The following KAT6B variants were observed in gnomAD, a reference collection of about 807,000 sequenced individuals.
KAT6B encodes the protein lysine acetyltransferase 6B.
KAT6B carries 10 observed loss-of-function variants against 187.5 expected under a neutral mutation model. The ratio of observed to expected loss-of-function variants is 0.05; its 90% CI spans 0.03 to 0.09. The LOEUF (loss-of-function observed/expected upper bound fraction) is 0.09, where lower values mean the gene tolerates loss of function less well. Ranked by LOEUF, KAT6B falls within the 10% of genes least tolerant of loss-of-function variation. The pLI is 1.00. For synonymous variants in KAT6B, 861 were observed against 926.8 expected, an observed-to-expected ratio of 0.93 and a Z score of 1.29; for missense variants, 1,952 against 2,558.9, an observed-to-expected ratio of 0.76 and a Z score of 5.12.
In KAT6B at chr10:74,843,423, G is replaced by A; in HGVS notation, c.566G>A (p.Ser189Asn). 1 of 1,614,082 alleles carries A rather than the reference G, an allele frequency of 6.2e-7. No homozygotes were observed. Among genetic ancestry groups the A allele is most frequent in the Non-Finnish European group, 8.5e-7 (1 of 1,180,016 alleles). Residue 189 changes from serine to asparagine, a missense_variant, in exon 3 of 18, where the codon AGT (serine) becomes AAT (asparagine). Ser to Asn is a conservative substitution (Grantham distance 46, BLOSUM62 1). Transcript: ENST00000287239. ...LDGKGAPQYP[S>N]AFPSSLPPVS... Reference sequence around the variant, plus strand: ...GGCAAAGGGGCACCTCAGTATCCCAGTGCATTCCCATCCTCGCTCCCACCT... The same window carrying A: ...GGCAAAGGGGCACCTCAGTATCCCAATGCATTCCCATCCTCGCTCCCACCT...
intron 2 of KAT6B, among the ~76,000 whole-genome samples, 152 bp downstream of exon 2, chr10:74,838,904 C>T (rs1404953955): frequency 6.6e-6 from 1 of 152,112 alleles, no homozygotes; most frequent in Admixed American, 6.5e-5. Flanking sequence ...CCTGTAATCC[C>T]AGCACTTTGG....
At position 74,843,229 on chromosome 10, in the gene KAT6B, C is replaced by T. The variant is rs993417725; in HGVS notation, c.372C>T (p.Ser124=). 3 of 1,614,200 alleles carry T rather than the reference C, an allele frequency of 1.9e-6. No individual in the cohort carries two copies. Among genetic ancestry groups the T allele is most frequent in the South Asian group, 1.1e-5 (1 of 91,080 alleles). ...AIEGLEEPNG[S]SLKNIEKYLR... ...AAGGACTTGAGGAGCCGAATGGCTC[C>T]TCCCTGAAGAACATAGAGAAGTATC... The change falls in exon 3 of 18, where the codon TCC becomes TCT. Residue 124 remains serine, a synonymous_variant. Coordinates refer to ENST00000287239, the MANE Select transcript of KAT6B (RefSeq NM_012330.4).
At chr10:74,998,040 C>T (rs1191253736) in intron 13 of KAT6B, among the ~76,000 whole-genome samples, 3 of 152,052 alleles carry the variant, frequency 2.0e-5, no homozygotes, top group Non-Finnish European at 2.9e-5. Context: ...TGAACCTGAG[C>T]GGCGGAGGTT....
chr10:74,942,765 CAA>C (rs56276008), intron 3 of KAT6B, among the ~76,000 whole-genome samples: 64 of 9,330 alleles, frequency 6.9e-3, no homozygotes, highest in African/African-American at 0.015. Context: ...AACTCCATCG[CAA>C]AAAAAAAAAA....
At chr10:74,908,372 C>T (rs897196657) in intron 3 of KAT6B, among the ~76,000 whole-genome samples, 1 of 151,988 alleles carries the variant, frequency 6.6e-6, no homozygotes, top group African/African-American at 2.4e-5. Context: ...ACCATCCTGG[C>T]CAAAGTGGTG....
intron 3 of KAT6B, among the ~76,000 whole-genome samples, chr10:74,922,588 C>T (rs1338795067): frequency 1.3e-5 from 2 of 152,150 alleles, no homozygotes; most frequent in African/African-American, 4.8e-5. Context: ...GTGTTGATGG[C>T]CTGAATTAAT....
At chr10:74,851,189 C>T (rs1042566616) in intron 3 of KAT6B, among the ~76,000 whole-genome samples, 6 of 151,954 alleles carry the variant, frequency 3.9e-5, no homozygotes, top group Non-Finnish European at 7.4e-5. Flanking sequence ...CTCACTGCAG[C>T]TGCCGCCTCT....
chr10:74,864,302 C>T (rs1456699591), intron 3 of KAT6B, among the ~76,000 whole-genome samples: 2 of 152,192 alleles, frequency 1.3e-5, no homozygotes, highest in Non-Finnish European at 2.9e-5. Context: ...TGCAGTGGCG[C>T]GATCTCGGCT....
chr10:74,861,589 G>A (rs1589495705), intron 3 of KAT6B, among the ~76,000 whole-genome samples: 1 of 152,288 alleles, frequency 6.6e-6, no homozygotes, highest in East Asian at 1.9e-4. Context: ...TAGAGCTGGA[G>A]CCAGGATTTA....
At chr10:74,884,250 A>G (rs1564541657) in intron 3 of KAT6B, among the ~76,000 whole-genome samples, 1 of 152,236 alleles carries the variant, frequency 6.6e-6, no homozygotes. Context: ...AGCCCAGGAC[A>G]TAAAGGGTTA....
intron 13 of KAT6B, among the ~76,000 whole-genome samples, chr10:75,004,526 G>C (rs1262538572): frequency 6.6e-6 from 1 of 152,136 alleles, no homozygotes; most frequent in Admixed American, 6.5e-5. Context: ...TAGGTGATGA[G>C]GACATAAGGA....
intron 1 of KAT6B, among the ~76,000 whole-genome samples, chr10:74,828,481 C>T (rs1443137386): frequency 1.4e-5 from 2 of 145,406 alleles, no homozygotes; most frequent in Non-Finnish European, 3.0e-5. Context: ...AAAGTGCATT[C>T]TTCCTGTCTT....
At chr10:75,028,094 C>G (rs1846010545) in intron 17 of KAT6B, among the ~76,000 whole-genome samples, 1 of 152,142 alleles carries the variant, frequency 6.6e-6, no homozygotes, top group African/African-American at 2.4e-5. Context: ...AGTCATTTTT[C>G]CAGGACAGTA....
chr10:74,839,648 G>A (rs1245286160), intron 2 of KAT6B, among the ~76,000 whole-genome samples: 1 of 152,176 alleles, frequency 6.6e-6, no homozygotes, highest in African/African-American at 2.4e-5. Flanking sequence ...TGTATTTTGT[G>A]CAATCAAATT....
At chr10:74,926,942 A>G (rs913418146) in intron 3 of KAT6B, among the ~76,000 whole-genome samples, 5 of 152,216 alleles carry the variant, frequency 3.3e-5, no homozygotes, top group African/African-American at 1.2e-4. Flanking sequence ...TCACAGGGTC[A>G]TAAGGATCAA....
At chr10:74,953,933 T>C (rs908432460) in intron 3 of KAT6B, among the ~76,000 whole-genome samples, 4 of 152,228 alleles carry the variant, frequency 2.6e-5, no homozygotes, top group Non-Finnish European at 4.4e-5. Flanking sequence ...ATTTAAAGAA[T>C]GTTTCCTTAG....
chr10:74,830,163 A>G (rs1012540947), intron 1 of KAT6B, among the ~76,000 whole-genome samples: 1 of 152,106 alleles, frequency 6.6e-6, no homozygotes, highest in African/African-American at 2.4e-5. Flanking sequence ...TTAATGCCTT[A>G]ATTTGCATTT....
At chr10:74,910,311 A>C (rs1396835033) in intron 3 of KAT6B, among the ~76,000 whole-genome samples, 1 of 152,060 alleles carries the variant, frequency 6.6e-6, no homozygotes, top group Non-Finnish European at 1.5e-5. Context: ...AAAATAACTA[A>C]ACTAATATTT....
intron 4 of KAT6B, among the ~76,000 whole-genome samples, chr10:74,962,601 T>C (rs545656114): frequency 6.6e-6 from 1 of 152,310 alleles, no homozygotes; most frequent in East Asian, 1.9e-4. Flanking sequence ...AAAGGAAATA[T>C]AGATGGCAGC....
Sources: allele counts gnomAD v4.1 joint callset (sites outside exome capture counted in the v4.1 genomes callset), GRCh38; gene constraint gnomAD v4.1.1; transcripts MANE v1.5; gene names NCBI Gene and HGNC (gene_info 2026-07-23, HGNC 2026-07-21).